Variants in MKLN1 observed in about 807,000 individuals in gnomAD.
MKLN1 encodes muskelin 1, also known as muskelin.
A neutral mutation model predicts 99.0 loss-of-function variants in MKLN1; 18 were observed. That is an observed-to-expected ratio of 0.18 (90% CI 0.13 to 0.27). MKLN1 has a LOEUF of 0.27. Among genes scored for constraint, MKLN1 ranks in the 10% least tolerant of loss-of-function variants. MKLN1 has a pLI of 1.00. For synonymous variants in MKLN1, 288 were observed against 293.2 expected (o/e 0.98, Z 0.18); for missense variants, 621 against 875.9 (o/e 0.71, Z 3.67).
chr7:131,464,060 T>C (rs1021960703), intron 13 of MKLN1, among the ~76,000 whole-genome samples: 1 of 152,248 alleles, frequency 6.6e-6, no homozygotes, highest in East Asian at 1.9e-4. Context: ...ATGCTGTTTG[T>C]ATTTCATAAC....
chr7:131,392,311 G>C (rs974570066), intron 4 of MKLN1, among the ~76,000 whole-genome samples: 3 of 152,152 alleles, frequency 2.0e-5, no homozygotes, highest in Non-Finnish European at 4.4e-5. Flanking sequence ...GGAGACTTCA[G>C]AGAGCGGCTT....
chr7:131,458,926 T>G (rs1349794489), intron 12 of MKLN1, among the ~76,000 whole-genome samples: 1 of 152,172 alleles, frequency 6.6e-6, no homozygotes, highest in East Asian at 1.9e-4. Context: ...TCAACCCTTT[T>G]AAGAGTCATG....
At chr7:131,199,596 G>A (rs1421601748) in intron 2 of MKLN1, among the ~76,000 whole-genome samples, 2 of 152,190 alleles carry the variant, frequency 1.3e-5, no homozygotes, top group Non-Finnish European at 2.9e-5. Flanking sequence ...ATAGGTGAAG[G>A]TGGATGCTAC....
At chr7:131,354,055 A>G (rs1452282356) in intron 1 of MKLN1, among the ~76,000 whole-genome samples, 2 of 152,040 alleles carry the variant, frequency 1.3e-5, no homozygotes, top group South Asian at 2.1e-4. Flanking sequence ...TTAATATTGT[A>G]TAGAGTGATC....
chr7:131,170,327 G>T (rs1796198035), intron 2 of MKLN1, among the ~76,000 whole-genome samples: 1 of 152,134 alleles, frequency 6.6e-6, no homozygotes, highest in Non-Finnish European at 1.5e-5. Flanking sequence ...TAAGTAACTT[G>T]TTCAAGGGAC....
At chr7:131,237,626 G>T (rs1797343256) in intron 3 of MKLN1, among the ~76,000 whole-genome samples, 2 of 152,108 alleles carry the variant, frequency 1.3e-5, no homozygotes, top group South Asian at 2.1e-4. Context: ...TGGGGCAATT[G>T]GTCCATCAAG....
At chr7:131,248,795 A>G (rs961906127) in intron 3 of MKLN1, among the ~76,000 whole-genome samples, 3 of 152,146 alleles carry the variant, frequency 2.0e-5, no homozygotes, top group Non-Finnish European at 4.4e-5. Context: ...TTAATACCAC[A>G]CTATGTACCC....
At position 131,174,371 on chromosome 7, in the gene MKLN1, C is replaced by T. The variant is rs138878871; in HGVS notation, c.-296-28486C>T. Among the ~76,000 whole-genome samples, 571 of 152,252 alleles carry T rather than the reference C, an allele frequency of 3.8e-3. 5 individuals carry two copies. The highest frequency in any genetic ancestry group is 0.012 in the African/African-American group (512 of 41,558). ...CAGAGACACAGATGGCACTCTTAAT[C>T]GGAAAAACTGAACTTTCTTGCCTGG... is the stretch of plus-strand genomic sequence containing the variant. On this transcript the variant is annotated intron_variant, in intron 2 of 7. Coordinates refer to the MKLN1 transcript ENST00000416992.
intron 15 of MKLN1, among the ~76,000 whole-genome samples, chr7:131,470,105 A>T (rs1318014508): frequency 3.3e-5 from 5 of 152,176 alleles, no homozygotes; most frequent in African/African-American, 9.7e-5. Flanking sequence ...GGACTCAAGC[A>T]GTCCACCCAC....
intron 3 of MKLN1, among the ~76,000 whole-genome samples, chr7:131,241,449 G>A (rs1434073543): frequency 4.0e-5 from 6 of 151,384 alleles, no homozygotes; most frequent in Non-Finnish European, 8.8e-5. Context: ...GCTCACGCCT[G>A]TAATTCCAGC....
intron 1 of MKLN1, among the ~76,000 whole-genome samples, chr7:131,340,401 C>T (rs957534763): frequency 6.6e-6 from 1 of 151,614 alleles, no homozygotes; most frequent in Non-Finnish European, 1.5e-5. Context: ...CCTCAGCCCC[C>T]CCAAGTAGCT....
At chr7:131,171,481 G>A (rs549210932) in intron 2 of MKLN1, among the ~76,000 whole-genome samples, 113 of 151,194 alleles carry the variant, frequency 7.5e-4, no homozygotes, top group Admixed American at 1.3e-3. Flanking sequence ...TTTTGGGATC[G>A]TGTTTCGCTT....
At chr7:131,261,475 T>C (rs1277852337) in intron 3 of MKLN1, among the ~76,000 whole-genome samples, 1 of 152,172 alleles carries the variant, frequency 6.6e-6, no homozygotes, top group Non-Finnish European at 1.5e-5. Context: ...CAATGGCTAC[T>C]ATTAAAAAGT....
At chr7:131,380,886 G>A (rs1364651135) in intron 2 of MKLN1, among the ~76,000 whole-genome samples, 1 of 152,138 alleles carries the variant, frequency 6.6e-6, no homozygotes, top group African/African-American at 2.4e-5. Flanking sequence ...GTTATTCACA[G>A]TAGTTATGTC....
At chr7:131,374,612 C>A (rs570685784) in intron 1 of MKLN1, among the ~76,000 whole-genome samples, 1 of 152,232 alleles carries the variant, frequency 6.6e-6, no homozygotes, top group East Asian at 1.9e-4. Context: ...AACAACTTTA[C>A]CAAATCAAGC....
chr7:131,390,803 C>T (rs1460704264), intron 4 of MKLN1, among the ~76,000 whole-genome samples: 1 of 152,056 alleles, frequency 6.6e-6, no homozygotes. Context: ...TTTACCCTTT[C>T]ACCAACAGCC....
intron 12 of MKLN1, among the ~76,000 whole-genome samples, chr7:131,449,617 T>C (rs975712846): frequency 5.3e-5 from 8 of 152,208 alleles, no homozygotes; most frequent in African/African-American, 1.9e-4. Flanking sequence ...GTTAGCACAT[T>C]AGAGTGAAAT....
At chr7:131,348,601 T>G (rs1799629301) in intron 1 of MKLN1, among the ~76,000 whole-genome samples, 1 of 152,066 alleles carries the variant, frequency 6.6e-6, no homozygotes, top group South Asian at 2.1e-4. Flanking sequence ...GGAGTATCTC[T>G]GAGGAAGAGA....
intron 2 of MKLN1, among the ~76,000 whole-genome samples, chr7:131,379,743 G>A (rs1468827611): frequency 6.6e-6 from 1 of 152,190 alleles, no homozygotes; most frequent in Non-Finnish European, 1.5e-5. Flanking sequence ...ATAAATGTTT[G>A]AGGTTAGGGG....
Sources: allele counts gnomAD v4.1 joint callset (sites outside exome capture counted in the v4.1 genomes callset), GRCh38; gene constraint gnomAD v4.1.1; transcripts MANE v1.5; gene names NCBI Gene and HGNC (gene_info 2026-07-23, HGNC 2026-07-21).